ACTC1: variants seen among roughly 807,000 people sequenced by gnomAD.
ACTC1 encodes the protein actin, alpha cardiac muscle 1.
ACTC1 carries 10 observed loss-of-function variants against 31.6 expected under a neutral mutation model. The ratio of observed to expected loss-of-function variants is 0.32; its 90% CI spans 0.19 to 0.54. The LOEUF is 0.54. ACTC1 is among the 20% of genes least tolerant of loss of function. ACTC1 has a pLI of 0.95. For synonymous variants in ACTC1, 196 were observed against 185.0 expected, an observed-to-expected ratio of 1.06 and a Z score of -0.48; for missense variants, 129 against 506.4, an observed-to-expected ratio of 0.25 and a Z score of 7.15.
chr15:34,792,077 C>T lies in ACTC1; in HGVS notation c.808+13G>A. 6.2e-7 allele frequency: 1 copy of T among 1,614,054 alleles called. No individual in the cohort carries two copies. The highest frequency in any genetic ancestry group is 8.5e-7 in the Non-Finnish European group (1 of 1,180,010). On this transcript the variant is annotated intron_variant, in intron 5 of 6. Transcript: ENST00000290378. The surrounding 1 kb of genome is among the most constrained non-coding windows in gnomAD (Gnocchi z 5.3). ...GGGAAAATCGTGCCTCTGCACCAGA[C>T]CCTACAACTCACCAATGAAGGAGGG... is the stretch of plus-strand genomic sequence containing the variant.
intron 1 of ACTC1, 23 bp from the exon 2 acceptor site, chr15:34,794,853 C>T (rs758021855): frequency 4.3e-5 from 68 of 1,569,116 alleles, no homozygotes; most frequent in Non-Finnish European, 5.4e-5. Context: ...GAGGGGAGGG[C>T]GGACCACGCT....
chr15:34,793,225 G>T lies in ACTC1; in HGVS notation c.454+20C>A. 6.2e-7 allele frequency: 1 copy of T among 1,612,640 alleles called. No homozygotes were observed. The highest frequency in any genetic ancestry group is 2.2e-5 in the East Asian group (1 of 44,872). On this transcript the variant is annotated intron_variant, in intron 3 of 6. Coordinates refer to ENST00000290378, the MANE Select transcript of ACTC1 (RefSeq NM_005159.5). This position sits in a 1 kb window ranked among gnomAD's most constrained non-coding sequence, Gnocchi z 4.8. ...TTGGGAATGTGATTCATCAGTAACT[G>T]TCCCCAGAGCCCAGCATACCTGTGG...
At chr15:34,794,427 A>G (rs762228455) in intron 2 of ACTC1, among the ~76,000 whole-genome samples, 1 of 152,242 alleles carries the variant, frequency 6.6e-6, no homozygotes, top group Non-Finnish European at 1.5e-5. Flanking sequence ...AAAGGCCATT[A>G]GTGGAGAGAA....
At chr15:34,794,943 G>A in intron 1 of ACTC1, 113 bp from the exon 2 acceptor site, 1 of 533,032 alleles carries the variant, frequency 1.9e-6, no homozygotes, top group South Asian at 2.6e-5. Flanking sequence ...TGGACAGGGG[G>A]TTGGGCGGGG....
At position 34,794,845 on chromosome 15, in the gene ACTC1, G is replaced by C. The variant is rs368171271; in HGVS notation, c.-22-15C>G. ...TTCAGGGGGTTCTGCAGGTTGAGGAGGGGAGGGCGGACCACGCTTAGCTGC... is the reference window on the plus strand; with the variant it reads ...TTCAGGGGGTTCTGCAGGTTGAGGACGGGAGGGCGGACCACGCTTAGCTGC... On this transcript the variant is annotated splice_polypyrimidine_tract_variant and intron_variant, in intron 1 of 6. Coordinates refer to ENST00000290378, the MANE Select transcript of ACTC1 (RefSeq NM_005159.5). The C allele has an allele frequency of 3.2e-5, 51 of 1,606,322 alleles. No homozygotes were observed. The African/African-American group carries it at 5.9e-4, about 19-fold the overall frequency.
chr15:34,795,037 A>G (rs1047944245), intron 1 of ACTC1, among the ~76,000 whole-genome samples: 2 of 152,184 alleles, frequency 1.3e-5, no homozygotes, highest in Non-Finnish European at 2.9e-5. Flanking sequence ...AGAAGGGCAG[A>G]GGAATCCACC....
At chr15:34,795,347 G>T (rs1329174009) in intron 1 of ACTC1, among the ~76,000 whole-genome samples, 159 bp downstream of exon 1, 1 of 133,588 alleles carries the variant, frequency 7.5e-6, no homozygotes, top group Non-Finnish European at 1.5e-5. Flanking sequence ...AAAAGTGTGG[G>T]CTTTAAAAAA....
Position 34,793,643 on chromosome 15 carries a change from T to A in ACTC1, c.130-74A>T. The A allele has an allele frequency of 7.4e-7, 1 of 1,357,804 alleles. No homozygotes were observed. The highest frequency in any genetic ancestry group is 1.2e-5 in the South Asian group (1 of 83,160). The allele number at this position is 1,357,804 out of a possible 1,614,324, so 84.1% of individuals were successfully genotyped here. On this transcript the variant is annotated intron_variant, in intron 2 of 6. Transcript: ENST00000290378. The surrounding 1 kb of genome is among the most constrained non-coding windows in gnomAD (Gnocchi z 4.8). ...ATAATCAGTGTCTTGTCCATTTATA[T>A]CTAACTGCCCAAGTCAAGGAACATA...
Position 34,792,287 on chromosome 15 carries a change from GA to G in ACTC1, c.617-7del. 6.2e-7 allele frequency: 1 copy of G among 1,614,198 alleles called. No homozygotes were observed. Among genetic ancestry groups the G allele is most frequent in the Non-Finnish European group, 8.5e-7 (1 of 1,180,044 alleles). On this transcript the variant is annotated splice_region_variant and splice_polypyrimidine_tract_variant and intron_variant, in intron 4 of 6. Coordinates refer to ENST00000290378, the MANE Select transcript of ACTC1 (RefSeq NM_005159.5). This position sits in a 1 kb window ranked among gnomAD's most constrained non-coding sequence, Gnocchi z 5.3. The stretch of plus-strand genomic sequence containing the variant: ...ACGGACAATTTCACGTTCAGCTACA[GA>G]AATAAAGAGTATCACAGTCATGCTC...
At position 34,792,671 on chromosome 15, in the gene ACTC1, C is replaced by T. The variant is rs779539941; in HGVS notation, c.455-102G>A. The stretch of plus-strand genomic sequence containing the variant: ...TCCAATCTTGGCTAAGAGATGCTAG[C>T]AATGGGCATTGATCCAGATAAAATT... On this transcript the variant is annotated intron_variant, in intron 3 of 6. Coordinates refer to ENST00000290378, the MANE Select transcript of ACTC1 (RefSeq NM_005159.5). This position sits in a 1 kb window ranked among gnomAD's most constrained non-coding sequence, Gnocchi z 5.3. The T allele has an allele frequency of 4.9e-6, 6 of 1,226,436 alleles. No individual in the cohort carries two copies. The highest frequency in any genetic ancestry group is 1.5e-5 in the African/African-American group (1 of 67,112). The allele number at this position is 1,226,436 out of a possible 1,614,324, so 76.0% of individuals were successfully genotyped here.
chr15:34,792,734 G>A lies in ACTC1; in HGVS notation c.455-165C>T, dbSNP rs2140431199. On this transcript the variant is annotated intron_variant, in intron 3 of 6. Coordinates refer to ENST00000290378, the MANE Select transcript of ACTC1 (RefSeq NM_005159.5). This position sits in a 1 kb window ranked among gnomAD's most constrained non-coding sequence, Gnocchi z 5.3. ...CACAAAGAATAAAAATGCGCATCAG[G>A]AATACTAAATCTGAAGCAAACTGCA... 1.4e-6 allele frequency: 1 copy of A among 736,198 alleles called. No homozygotes were observed. The highest frequency in any genetic ancestry group is 2.7e-5 in the East Asian group (1 of 36,538). 45.6% of individuals were successfully genotyped at this position (736,198 alleles called of 1,614,324 possible).
chr15:34,794,923 TTGTGGGGACTGGACA>T, intron 1 of ACTC1, 93 bp from the exon 2 acceptor site: 2 of 1,289,102 alleles, frequency 1.6e-6, no homozygotes, highest in Non-Finnish European at 2.1e-6. Context: ...CAGAAGGGGG[TTGTGGGGACTGGACA>T]GGGGGTTGGG....
In ACTC1 at chr15:34,792,597, G is replaced by A. The variant is rs761399043; in HGVS notation, c.455-28C>T. 1.9e-6 allele frequency: 3 copies of A among 1,613,804 alleles called. No individual in the cohort carries two copies. Among genetic ancestry groups the A allele is most frequent in the African/African-American group, 2.7e-5 (2 of 74,896 alleles). ...GCCCGGGGAAGTAGACAAGAACAAGGTAAATTCCTGAGGACAACACCACTG... is the reference window on the plus strand; with the variant it reads ...GCCCGGGGAAGTAGACAAGAACAAGATAAATTCCTGAGGACAACACCACTG... On this transcript the variant is annotated intron_variant, in intron 3 of 6. Coordinates refer to ENST00000290378, the MANE Select transcript of ACTC1 (RefSeq NM_005159.5). The surrounding 1 kb of genome is among the most constrained non-coding windows in gnomAD (Gnocchi z 5.3).
chr15:34,791,010 G>T, intron 6 of ACTC1, 104 bp downstream of exon 6: 2 of 1,124,798 alleles, frequency 1.8e-6, no homozygotes, highest in Non-Finnish European at 2.5e-6. Flanking sequence ...GGTAAAGTTT[G>T]TAGGAGACAA....
At position 34,792,331 on chromosome 15, in the gene ACTC1, T is replaced by C. The variant is rs771632205; in HGVS notation, c.617-50A>G. On this transcript the variant is annotated intron_variant, in intron 4 of 6. Coordinates refer to ENST00000290378, the MANE Select transcript of ACTC1 (RefSeq NM_005159.5). The surrounding 1 kb of genome is among the most constrained non-coding windows in gnomAD (Gnocchi z 5.3). ...TCATGCTCTGAAGCAAGAAGTCAAT[T>C]ATAGGGAGGTAGGCGGATTCAGTGA... 4.3e-6 allele frequency: 7 copies of C among 1,613,844 alleles called. No homozygotes were observed. The highest frequency in any genetic ancestry group is 5.1e-6 in the Non-Finnish European group (6 of 1,179,822).
rs2140429593 is a variant in ACTC1, at chr15:34,791,185, T to G, written c.919A>C (p.Met307Leu). Residue 307 changes from methionine to leucine, a missense_variant, in exon 6 of 7, where the codon ATG (methionine) becomes CTG (leucine). Coordinates refer to ENST00000290378, the MANE Select transcript of ACTC1 (RefSeq NM_005159.5). The stretch of plus-strand genomic sequence containing the variant: ...ATACGATCAGCAATACCAGGGTACA[T>G]AGTGGTGCCTCCAGATAAGACATTG... ...ANNVLSGGTT[M>L]YPGIADRMQK... is the part of the protein sequence containing the mutation. 1 of 1,614,120 alleles carries G rather than the reference T, an allele frequency of 6.2e-7. No individual in the cohort carries two copies. Among genetic ancestry groups the G allele is most frequent in the Non-Finnish European group, 8.5e-7 (1 of 1,180,000 alleles).
At chr15:34,795,427 G>C in intron 1 of ACTC1, 79 bp downstream of exon 1, 1 of 152,618 alleles carries the variant, frequency 6.6e-6, no homozygotes, top group Non-Finnish European at 1.5e-5. Context: ...GGCTGGCCAG[G>C]TGGCGGCGCG....
chr15:34,793,319 T>G lies in ACTC1; in HGVS notation c.380A>C (p.Glu127Ala). The G allele has an allele frequency of 6.2e-7, 1 of 1,614,170 alleles. No homozygotes were observed. Among genetic ancestry groups the G allele is most frequent in the Non-Finnish European group, 8.5e-7 (1 of 1,180,018 alleles). ...GTACATGGCAGGGACATTGAAGGTC[T>G]CAAACATGATCTGAGTCATCTTCTC... The part of the protein sequence containing the change: ...NREKMTQIMF[E>A]TFNVPAMYVA... The change falls in exon 3 of 7, where the codon GAG (glutamate) becomes GCG (alanine). Residue 127 changes from glutamate to alanine, a missense_variant. Glu to Ala is a moderately radical substitution (Grantham distance 107). This residue lies in a region of ACTC1 where 37 missense variants were observed against 228.6 expected (regional missense o/e 0.16). Coordinates refer to ENST00000290378, the MANE Select transcript of ACTC1 (RefSeq NM_005159.5). This position sits in a 1 kb window ranked among gnomAD's most constrained non-coding sequence, Gnocchi z 4.8.
chr15:34,795,393 G>A (rs1891805659), intron 1 of ACTC1, 113 bp downstream of exon 1: 1 of 152,840 alleles, frequency 6.5e-6, no homozygotes, highest in African/African-American at 2.4e-5. Flanking sequence ...GGCAGGAGCT[G>A]GGGCCTTGGC....
Sources: gnomAD v4.1 joint callset for allele counts (sites outside exome capture counted in the v4.1 genomes callset) on GRCh38, gnomAD v4.1.1 for gene constraint, gnomAD v4.1.1 regional missense constraint, Gnocchi (gnomAD v3.1) non-coding constraint, MANE v1.5 for transcripts, NCBI Gene and HGNC (gene_info 2026-07-23, HGNC 2026-07-21) for gene names.